Variants in UXS1 observed in about 807,000 individuals in gnomAD.
UXS1 encodes the protein UDP-glucuronate decarboxylase 1.
In UXS1, 33 loss-of-function variants were observed where a neutral mutation model predicts 62.6. The observed-to-expected ratio is 0.53, with a 90% CI of 0.40 to 0.70. UXS1 has a LOEUF of 0.70. Ranked by LOEUF, UXS1 falls within the 30% of genes least tolerant of loss-of-function variation. The pLI is 0.00. For missense variants in UXS1, 434 were observed against 556.3 expected (o/e 0.78, Z 2.21); for synonymous variants, 213 against 206.8 (o/e 1.03, Z -0.26).
chr2:106,144,039 A>AC (rs1331416434), intron 6 of UXS1, among the ~76,000 whole-genome samples: 1 of 152,188 alleles, frequency 6.6e-6, no homozygotes, highest in East Asian at 1.9e-4. Flanking sequence ...CTGTGACAGC[A>AC]CCACCTAGCA....
intron 9 of UXS1, among the ~76,000 whole-genome samples, chr2:106,115,324 GA>G (rs1411918261): frequency 6.6e-6 from 1 of 152,186 alleles, no homozygotes; most frequent in Non-Finnish European, 1.5e-5. Context: ...GAAGGACCAA[GA>G]AGCAAACACA....
chr2:106,129,622 C>A, intron 7 of UXS1, 52 bp downstream of exon 7: 1 of 1,383,520 alleles, frequency 7.2e-7, no homozygotes, highest in South Asian at 1.2e-5. Context: ...TGCTTGTAAT[C>A]ATCTAAAATA....
At chr2:106,120,573 A>G (rs912749310) in intron 9 of UXS1, among the ~76,000 whole-genome samples, 7 of 152,196 alleles carry the variant, frequency 4.6e-5, no homozygotes, top group Admixed American at 3.3e-4. Context: ...GTGAGCCCCA[A>G]TGAAACTACA....
At chr2:106,116,191 A>T (rs570406289) in intron 9 of UXS1, among the ~76,000 whole-genome samples, 1 of 152,284 alleles carries the variant, frequency 6.6e-6, no homozygotes, top group South Asian at 2.1e-4. Context: ...CAAGGACAGA[A>T]ATGTTACCAG....
At chr2:106,168,444 C>T (rs1191395675) in intron 1 of UXS1, among the ~76,000 whole-genome samples, 1 of 152,208 alleles carries the variant, frequency 6.6e-6, no homozygotes, top group African/African-American at 2.4e-5. Flanking sequence ...TCAGAACTGA[C>T]CTCTCTATAG....
intron 5 of UXS1, among the ~76,000 whole-genome samples, chr2:106,150,918 G>C (rs1372506562): frequency 6.6e-6 from 1 of 152,192 alleles, no homozygotes; most frequent in African/African-American, 2.4e-5. Flanking sequence ...GCGTACCCAG[G>C]ACTCAGGCCA....
At chr2:106,138,229 T>C (rs985549473) in intron 6 of UXS1, 1 of 985,504 alleles carries the variant, frequency 1.0e-6, no homozygotes. Flanking sequence ...CAAAGCTCAA[T>C]CCAGACGTCA....
intron 13 of UXS1, among the ~76,000 whole-genome samples, chr2:106,098,123 C>G (rs1677278050): frequency 6.6e-6 from 1 of 152,206 alleles, no homozygotes; most frequent in Admixed American, 6.5e-5. Context: ...CCCCAGACAA[C>G]AGACACCCTC....
intron 1 of UXS1, among the ~76,000 whole-genome samples, chr2:106,188,086 C>T (rs1684686073): frequency 6.6e-6 from 1 of 152,210 alleles, no homozygotes. Context: ...ATAATGGCTC[C>T]TAAACCCGAC....
intron 6 of UXS1, chr2:106,139,025 C>G: frequency 3.2e-6 from 1 of 310,756 alleles, no homozygotes; most frequent in Non-Finnish European, 4.7e-6. Context: ...TAATAACAAC[C>G]GGCTTCGGAA....
Position 106,150,498 on chromosome 2 carries a change from T to C in UXS1, c.292-5128A>G, listed in dbSNP as rs1263719364. ...TGCTGCCACAAGTCTCTGCTCCCCT[T>C]AGCATTCCTCAGCCAGCACAGCTGT... On this transcript the variant is annotated intron_variant, in intron 5 of 14. Transcript: ENST00000283148. 2.0e-5 allele frequency among the ~76,000 whole-genome samples: 3 copies of C among 152,192 alleles called. No homozygotes were observed. The East Asian group carries it at 5.8e-4, about 29-fold the overall frequency.
chr2:106,123,402 A>G (rs1375500977), intron 8 of UXS1, among the ~76,000 whole-genome samples: 1 of 152,252 alleles, frequency 6.6e-6, no homozygotes, highest in East Asian at 1.9e-4. Flanking sequence ...ACAATTAAAT[A>G]GAATCTATGT....
chr2:106,179,518 C>A (rs1486031514), intron 1 of UXS1: 1 of 152,200 alleles, frequency 6.6e-6, no homozygotes, highest in Admixed American at 6.5e-5. Context: ...GCAAGTTCAA[C>A]ATTACAGAGG....
chr2:106,193,580 G>A (rs561530665), intron 1 of UXS1, among the ~76,000 whole-genome samples: 2 of 152,176 alleles, frequency 1.3e-5, no homozygotes, highest in Non-Finnish European at 2.9e-5. Flanking sequence ...AACCTAGAAT[G>A]GGGATGCCGG....
chr2:106,163,434 T>C (rs539645544), intron 4 of UXS1, among the ~76,000 whole-genome samples: 57 of 152,336 alleles, frequency 3.7e-4, no homozygotes, highest in African/African-American at 1.3e-3. Flanking sequence ...TCAACTTCTA[T>C]GTAATAAATT....
intron 1 of UXS1, among the ~76,000 whole-genome samples, chr2:106,193,151 C>G (rs530957387): frequency 6.6e-6 from 1 of 152,170 alleles, no homozygotes; most frequent in African/African-American, 2.4e-5. Flanking sequence ...ACTTGCCTTC[C>G]TAGAGCTCAA....
rs549470332 is a variant in UXS1, at chr2:106,187,771, C to T, written c.94+6377G>A. The stretch of plus-strand genomic sequence containing the variant: ...TTTTTTTTTTTTTGAGATGGAGTTT[C>T]GCTTTTGTTGCCCAGGCTGGAGTGC... On this transcript the variant is annotated intron_variant, in intron 1 of 14. Transcript: ENST00000283148. Among the ~76,000 whole-genome samples the T allele has an allele frequency of 1.1e-4, 15 of 141,600 alleles. No homozygotes were observed. In the East Asian group the frequency reaches 2.7e-3, roughly 25 times the overall value. The allele number at this position is 141,600 out of a possible 152,430, so 92.9% of individuals were successfully genotyped here.
At chr2:106,154,320 A>T (rs1682263402) in intron 5 of UXS1, among the ~76,000 whole-genome samples, 1 of 152,254 alleles carries the variant, frequency 6.6e-6, no homozygotes, top group Non-Finnish European at 1.5e-5. Flanking sequence ...AAACAGATGT[A>T]CTAGGTTGGA....
chr2:106,177,200 C>CTTTTTTTT (rs5833174), intron 1 of UXS1, among the ~76,000 whole-genome samples: 2 of 134,670 alleles, frequency 1.5e-5, no homozygotes, highest in Non-Finnish European at 3.1e-5. Context: ...TTTCTTTTTT[C>CTTTTTTTT]TTTTTTTTTT....
Sources: allele counts gnomAD v4.1 joint callset (sites outside exome capture counted in the v4.1 genomes callset), GRCh38; gene constraint gnomAD v4.1.1; transcripts MANE v1.5; gene names NCBI Gene and HGNC (gene_info 2026-07-23, HGNC 2026-07-21).